The following CYB5B variants were observed in gnomAD, a reference collection of about 807,000 sequenced individuals.
CYB5B encodes the protein cytochrome b5 type B (outer mitochondrial membrane).
Under a neutral mutation model 21.3 loss-of-function variants are expected in CYB5B, and 14 were observed. The observed-to-expected ratio is 0.66, with a 90% confidence interval of 0.43 to 1.03. The LOEUF is 1.03. Among genes scored for constraint, CYB5B ranks in the 50% least tolerant of loss-of-function variants. The pLI, the probability that CYB5B is intolerant of heterozygous loss-of-function variation, is 0.00. For synonymous variants in CYB5B, 69 were observed against 68.4 expected, an observed-to-expected ratio of 1.01 and a Z score of -0.04; for missense variants, 166 against 185.1, an observed-to-expected ratio of 0.90 and a Z score of 0.60.
chr16:69,440,745 CGT>C lies in CYB5B; in HGVS notation c.175-6382_175-6381del, dbSNP rs56008000. ...AATGCTGCTATGGCCGTGTGTGTTGCGTGTGTGTGTGTGTGTGTGTGTGTAAA... is the reference window on the plus strand; with the variant it reads ...AATGCTGCTATGGCCGTGTGTGTTGCGTGTGTGTGTGTGTGTGTGTGTAAA... On this transcript the variant is annotated intron_variant, in intron 1 of 4. Transcript: ENST00000307892. Among the ~76,000 whole-genome samples the C allele has an allele frequency of 1.3e-4, 19 of 146,394 alleles. No homozygotes were observed. The East Asian group carries it at 2.2e-3, about 17-fold the overall frequency.
intron 1 of CYB5B, among the ~76,000 whole-genome samples, chr16:69,441,268 C>G (rs1045872500): frequency 2.0e-5 from 3 of 151,720 alleles, no homozygotes; most frequent in East Asian, 1.9e-4. Context: ...ATTTTCCTGC[C>G]TCAGCCTCCT....
chr16:69,429,670 T>C (rs529338020), intron 1 of CYB5B, among the ~76,000 whole-genome samples: 4 of 152,246 alleles, frequency 2.6e-5, no homozygotes, highest in South Asian at 4.2e-4. Context: ...TTGGATGTGT[T>C]GTGATGGAAG....
intron 1 of CYB5B, among the ~76,000 whole-genome samples, chr16:69,435,092 C>T (rs1005548482): frequency 2.0e-5 from 3 of 151,972 alleles, no homozygotes; most frequent in Admixed American, 6.6e-5. Context: ...GCTTTGGGGT[C>T]CAAGTGTCTG....
Position 69,465,029 on chromosome 16 carries a change from CA to C in CYB5B, c.*2513del, listed in dbSNP as rs903047809. 7.5e-4 allele frequency: 115 copies of C among 152,348 alleles called. No homozygotes were observed. Among genetic ancestry groups the C allele is most frequent in the Non-Finnish European group, 1.3e-3 (91 of 68,040 alleles). The allele number at this position is 152,348 out of a possible 1,614,324, so 9.4% of individuals were successfully genotyped here. On this transcript the variant is annotated 3_prime_UTR_variant, in exon 5 of 5. Coordinates refer to ENST00000307892, the MANE Select transcript of CYB5B (RefSeq NM_030579.3). ...GTATAGCACACTAGCCAAATCCATC[CA>C]AAAGGACCTTTTTTTTAGGAAGTAG...
rs144445009 is a variant in CYB5B at position 69,461,421 on chromosome 16, C to G, written c.363-1009C>G. Among the ~76,000 whole-genome samples, 285 of 152,292 alleles carry G rather than the reference C, an allele frequency of 1.9e-3. 2 individuals are homozygous for G. The highest frequency in any genetic ancestry group is 6.2e-3 in the African/African-American group (258 of 41,548). On this transcript the variant is annotated intron_variant, in intron 4 of 4. Coordinates refer to ENST00000307892, the MANE Select transcript of CYB5B (RefSeq NM_030579.3). ...AAAGCTACCTGGCTGATATTCTAAA[C>G]TAGTCCAGAGTAGCTTTCTGCTGTA...
chr16:69,426,035 A>T (rs2014641664), intron 1 of CYB5B, among the ~76,000 whole-genome samples: 1 of 152,220 alleles, frequency 6.6e-6, no homozygotes, highest in Non-Finnish European at 1.5e-5. Context: ...TTAATAGTGA[A>T]CAATAATTTA....
At chr16:69,437,723 T>A (rs1282555873) in intron 1 of CYB5B, among the ~76,000 whole-genome samples, 1 of 152,162 alleles carries the variant, frequency 6.6e-6, no homozygotes, top group Non-Finnish European at 1.5e-5. Context: ...CAAAACTTTT[T>A]CGTTACCACT....
chr16:69,444,364 C>T (rs529396966), intron 1 of CYB5B: 1 of 152,662 alleles, frequency 6.6e-6, no homozygotes, highest in East Asian at 1.9e-4. Flanking sequence ...TCGAGGCCTT[C>T]GTATGCTCCT....
chr16:69,428,088 G>C (rs754320882), intron 1 of CYB5B, among the ~76,000 whole-genome samples: 6 of 151,772 alleles, frequency 4.0e-5, no homozygotes, highest in Non-Finnish European at 4.4e-5. Context: ...GCCTCCCAAA[G>C]TGCTGAGATT....
intron 3 of CYB5B, chr16:69,448,542 T>C (rs143166755): frequency 9.8e-4 from 185 of 188,004 alleles, no homozygotes; most frequent in African/African-American, 4.3e-3. Context: ...TAGGTTATCT[T>C]CTTTATCTGT....
At chr16:69,456,793 G>A (rs2014987842) in intron 3 of CYB5B, among the ~76,000 whole-genome samples, 1 of 152,200 alleles carries the variant, frequency 6.6e-6, no homozygotes. Flanking sequence ...TAGGGGAAGG[G>A]TGGAGGTGAA....
At chr16:69,444,347 G>GT (rs2014856041) in intron 1 of CYB5B, 1 of 152,522 alleles carries the variant, frequency 6.6e-6, no homozygotes, top group African/African-American at 2.4e-5. Flanking sequence ...GGCTCTTTGG[G>GT]TTTTCGTCGA....
intron 3 of CYB5B, chr16:69,449,473 C>G (rs2014911664): frequency 6.6e-6 from 1 of 152,278 alleles, no homozygotes; most frequent in Non-Finnish European, 1.5e-5. Flanking sequence ...CATTTCTGCA[C>G]AGCAACTATG....
At position 69,462,601 on chromosome 16, in the gene CYB5B, C is replaced by G. The variant is rs540803071; in HGVS notation, c.*81C>G. The G allele has an allele frequency of 1.6e-5, 18 of 1,146,302 alleles. No individual in the cohort carries two copies. In the East Asian group the frequency reaches 4.0e-4, roughly 26 times the overall value. 71.0% of individuals were successfully genotyped at this position (1,146,302 alleles called of 1,614,324 possible). The stretch of plus-strand genomic sequence containing the variant: ...TGCTTGGGGGCTGCAGAAGTGCCCT[C>G]TCCTCGAATCCTGCCAGTTGCATTC... On this transcript the variant is annotated 3_prime_UTR_variant, in exon 5 of 5. Coordinates refer to ENST00000307892, the MANE Select transcript of CYB5B (RefSeq NM_030579.3).
At chr16:69,455,222 A>G (rs887633154) in intron 3 of CYB5B, among the ~76,000 whole-genome samples, 2 of 151,964 alleles carry the variant, frequency 1.3e-5, no homozygotes, top group African/African-American at 2.4e-5. Flanking sequence ...CGTCATAATC[A>G]TGATTCTGGT....
At chr16:69,425,354 T>TG (rs1491186087) in intron 1 of CYB5B, among the ~76,000 whole-genome samples, 1 of 56,698 alleles carries the variant, frequency 1.8e-5, no homozygotes, top group Non-Finnish European at 4.2e-5. Context: ...ATGCCTCCAC[T>TG]GTTTTTTTTT....
intron 1 of CYB5B, 53 bp from the exon 2 acceptor site, chr16:69,447,097 G>T: frequency 6.3e-7 from 1 of 1,588,102 alleles, no homozygotes; most frequent in Non-Finnish European, 8.6e-7. Flanking sequence ...AAAGTAACTT[G>T]TTGGTTTGCT....
At chr16:69,440,463 G>C (rs1048544859) in intron 1 of CYB5B, among the ~76,000 whole-genome samples, 1 of 152,076 alleles carries the variant, frequency 6.6e-6, no homozygotes, top group Admixed American at 6.5e-5. Flanking sequence ...ATCCCCAGAG[G>C]TACCCACTGT....
At chr16:69,453,770 G>A (rs952911245) in intron 3 of CYB5B, among the ~76,000 whole-genome samples, 1 of 152,250 alleles carries the variant, frequency 6.6e-6, no homozygotes, top group African/African-American at 2.4e-5. Context: ...TGTTGGCCAG[G>A]CTGGTCTCGA....
Sources: allele counts gnomAD v4.1 joint callset (sites outside exome capture counted in the v4.1 genomes callset), GRCh38; gene constraint gnomAD v4.1.1; transcripts MANE v1.5; gene names NCBI Gene and HGNC (gene_info 2026-07-23, HGNC 2026-07-21).